The following KCNIP4 variants were observed in gnomAD, a reference collection of about 807,000 sequenced individuals.
KCNIP4 encodes Kv channel-interacting protein 4.
Under a neutral mutation model 34.0 loss-of-function variants are expected in KCNIP4, and 12 were observed. The observed-to-expected ratio is 0.35, with a 90% CI of 0.23 to 0.57. The LOEUF (loss-of-function observed/expected upper bound fraction) is 0.57. KCNIP4 is among the 20% of genes least tolerant of loss of function. KCNIP4 has a pLI of 0.83. For synonymous variants in KCNIP4, 124 were observed against 102.2 expected (o/e 1.21, Z -1.29); for missense variants, 238 against 311.7 (o/e 0.76, Z 1.78).
At chr4:21,486,914 C>T (rs955637622) in intron 1 of KCNIP4, among the ~76,000 whole-genome samples, 4 of 152,080 alleles carry the variant, frequency 2.6e-5, no homozygotes, top group African/African-American at 7.2e-5. Flanking sequence ...AAGTGATCCT[C>T]GGTCTCCTGA....
rs1343841039 is a variant in KCNIP4, at chr4:21,649,704, G to A, written c.61+298867C>T. Among the ~76,000 whole-genome samples, 6 of 152,118 alleles carry A rather than the reference G, an allele frequency of 3.9e-5. 1 individual carries two copies. Among genetic ancestry groups the A allele is most frequent in the Non-Finnish European group, 8.8e-5 (6 of 68,016 alleles). On this transcript the variant is annotated intron_variant, in intron 1 of 8. Transcript: ENST00000382152. ...AATGCCTGTATTTCTGTGTAGTTAA[G>A]ATAAAGATAGCACTTTTTAACTTGA... is the stretch of plus-strand genomic sequence containing the variant.
chr4:21,276,285 A>T (rs1762430807), intron 1 of KCNIP4, among the ~76,000 whole-genome samples: 1 of 152,134 alleles, frequency 6.6e-6, no homozygotes, highest in Non-Finnish European at 1.5e-5. Flanking sequence ...GAACTGTGAG[A>T]CAATACATTT....
At chr4:21,143,052 G>A (rs550583265) in intron 1 of KCNIP4, among the ~76,000 whole-genome samples, 4 of 152,234 alleles carry the variant, frequency 2.6e-5, no homozygotes, top group Admixed American at 6.5e-5. Flanking sequence ...TAGGTGTTGT[G>A]CAGAATCCTC....
intron 1 of KCNIP4, among the ~76,000 whole-genome samples, chr4:21,151,528 C>G (rs1434087631): frequency 6.9e-6 from 1 of 144,466 alleles, no homozygotes; most frequent in Admixed American, 7.4e-5. Flanking sequence ...TGTCTTCTCT[C>G]TGTGTCCTCA....
chr4:21,834,118 A>G (rs1723170467), intron 1 of KCNIP4, among the ~76,000 whole-genome samples: 1 of 152,062 alleles, frequency 6.6e-6, no homozygotes, highest in Non-Finnish European at 1.5e-5. Context: ...GCTTTTTCCA[A>G]TTCTGTGAAG....
At chr4:21,710,947 C>T (rs1467931288) in intron 1 of KCNIP4, among the ~76,000 whole-genome samples, 1 of 152,090 alleles carries the variant, frequency 6.6e-6, no homozygotes, top group Non-Finnish European at 1.5e-5. Context: ...AATAACCAGC[C>T]CTGTACACAT....
At chr4:21,580,610 C>G (rs547732855) in intron 1 of KCNIP4, among the ~76,000 whole-genome samples, 2 of 152,128 alleles carry the variant, frequency 1.3e-5, no homozygotes, top group South Asian at 4.1e-4. Context: ...AATTTTCATA[C>G]AAAGTAAACA....
In KCNIP4 at chr4:20,732,096, T is replaced by C. The variant is rs1023609465; in HGVS notation, c.643-28A>G. On this transcript the variant is annotated intron_variant, in intron 7 of 8. Coordinates refer to ENST00000382152, the MANE Select transcript of KCNIP4 (RefSeq NM_025221.6). ...GTTCAGGAAGAAAACAAAAATTGTA[T>C]TTAGACTTATCCCTTAATACCCTCA... The C allele has an allele frequency of 2.7e-6, 4 of 1,503,200 alleles. No homozygotes were observed. The African/African-American group carries it at 4.1e-5, about 16-fold the overall frequency. 93.1% of individuals were successfully genotyped at this position (1,503,200 alleles called of 1,614,324 possible).
intron 1 of KCNIP4, among the ~76,000 whole-genome samples, chr4:21,545,945 T>C (rs146688538): frequency 9.4e-4 from 143 of 152,268 alleles, no homozygotes; most frequent in African/African-American, 3.4e-3. Context: ...TCTAGATCCT[T>C]CAGGAATTGC....
intron 1 of KCNIP4, among the ~76,000 whole-genome samples, chr4:21,181,280 T>C (rs188379733): frequency 3.9e-5 from 6 of 152,164 alleles, no homozygotes; most frequent in African/African-American, 7.2e-5. Context: ...TGTCCTTGAT[T>C]TGATTAAGTG....
At chr4:21,685,572 T>C (rs966300320) in intron 1 of KCNIP4, among the ~76,000 whole-genome samples, 3 of 152,192 alleles carry the variant, frequency 2.0e-5, no homozygotes, top group Non-Finnish European at 4.4e-5. Flanking sequence ...AATCAGTACG[T>C]GGACCAATTA....
At chr4:21,607,027 AC>A (rs1363709789) in intron 1 of KCNIP4, among the ~76,000 whole-genome samples, 2 of 145,016 alleles carry the variant, frequency 1.4e-5, no homozygotes, top group African/African-American at 5.0e-5. Flanking sequence ...CTAATTAGCA[AC>A]CTTTTTTTTT....
chr4:21,806,865 G>T (rs1721327850), intron 1 of KCNIP4, among the ~76,000 whole-genome samples: 1 of 152,136 alleles, frequency 6.6e-6, no homozygotes, highest in African/African-American at 2.4e-5. Context: ...CTACAGACAA[G>T]GAGGGTTGGA....
chr4:21,134,368 G>T (rs889754161), intron 1 of KCNIP4, among the ~76,000 whole-genome samples: 2 of 152,062 alleles, frequency 1.3e-5, no homozygotes, highest in Non-Finnish European at 2.9e-5. Context: ...TTAGTTGTAA[G>T]AATACCACAT....
At chr4:20,982,450 ATGCAT>A (rs1312064293) in intron 1 of KCNIP4, among the ~76,000 whole-genome samples, 2 of 152,240 alleles carry the variant, frequency 1.3e-5, no homozygotes, top group Non-Finnish European at 2.9e-5. Context: ...AAACCTGCTT[ATGCAT>A]TGATTTCCTT....
At chr4:21,276,064 T>C (rs1278872871) in intron 1 of KCNIP4, among the ~76,000 whole-genome samples, 1 of 152,166 alleles carries the variant, frequency 6.6e-6, no homozygotes, top group African/African-American at 2.4e-5. Flanking sequence ...AGGCAGCAGG[T>C]TGGACAAACT....
intron 3 of KCNIP4, among the ~76,000 whole-genome samples, chr4:20,783,554 C>T (rs1441121615): frequency 2.6e-5 from 4 of 152,160 alleles, no homozygotes; most frequent in Non-Finnish European, 5.9e-5. Context: ...GAGACTTATT[C>T]ACTACCATGA....
chr4:21,368,170 T>A (rs1719975529), intron 1 of KCNIP4, among the ~76,000 whole-genome samples: 1 of 146,670 alleles, frequency 6.8e-6, no homozygotes, highest in Non-Finnish European at 1.5e-5. Context: ...ACCTACTGAG[T>A]TGCAGTGATT....
intron 3 of KCNIP4, among the ~76,000 whole-genome samples, chr4:20,805,771 C>G (rs1011934398): frequency 2.0e-5 from 3 of 152,050 alleles, no homozygotes; most frequent in Admixed American, 6.6e-5. Context: ...TTGCTTAAAT[C>G]TTTCTTTCCT....
Sources: gnomAD v4.1 joint callset for allele counts (sites outside exome capture counted in the v4.1 genomes callset) on GRCh38, gnomAD v4.1.1 for gene constraint, MANE v1.5 for transcripts, NCBI Gene and HGNC (gene_info 2026-07-23, HGNC 2026-07-21) for gene names.